Variants in PIKFYVE observed in about 807,000 individuals in gnomAD.
The protein encoded by PIKFYVE is 1-phosphatidylinositol 3-phosphate 5-kinase.
A neutral mutation model predicts 257.9 loss-of-function variants in PIKFYVE; 122 were observed. That is an observed-to-expected ratio of 0.47 (90% CI 0.41 to 0.55). The LOEUF (loss-of-function observed/expected upper bound fraction) is 0.55. Among genes scored for constraint, PIKFYVE ranks in the 20% least tolerant of loss-of-function variants. PIKFYVE has a pLI of 0.00. For missense variants in PIKFYVE, 2,160 were observed against 2,536.6 expected (o/e 0.85, Z 3.19); for synonymous variants, 892 against 868.9 (o/e 1.03, Z -0.47).
rs764335818 is a variant in PIKFYVE at position 208,326,044 on chromosome 2, G to A, written c.3233G>A (p.Arg1078Gln). 4 of 1,614,002 alleles carry A rather than the reference G, an allele frequency of 2.5e-6. No homozygotes were observed. In the Admixed American group the frequency reaches 5.0e-5, roughly 20 times the overall value. ...LTEKGMRCST[R>Q]DYFAEQVYWS... ...GAAAAGGGGATGAGATGCTCTACCC[G>A]AGATTATTTTGCAGAGCAGGTTTAC... The change falls in exon 20 of 42, where the codon CGA (arginine) becomes CAA (glutamine). Residue 1078 changes from arginine to glutamine, a missense_variant. By Grantham distance (43) the Arg-to-Gln change is conservative (BLOSUM62 1). Transcript: ENST00000264380.
At chr2:208,286,163 G>A (rs1436021484) in intron 6 of PIKFYVE, among the ~76,000 whole-genome samples, 1 of 152,062 alleles carries the variant, frequency 6.6e-6, no homozygotes, top group Non-Finnish European at 1.5e-5. Context: ...CATCTTTCTT[G>A]TCACTGTTCT....
chr2:208,326,023 A>C lies in PIKFYVE; in HGVS notation c.3212A>C (p.Lys1071Thr). The C allele has an allele frequency of 6.2e-7, 1 of 1,614,136 alleles. No homozygotes were observed. Among genetic ancestry groups the C allele is most frequent in the East Asian group, 2.2e-5 (1 of 44,874 alleles). The change falls in exon 20 of 42, where the codon AAG becomes ACG. Residue 1071 changes from lysine to threonine, a missense_variant. Transcript: ENST00000264380. ...CGAGAACCCTTTCTTTTAACTGAAA[A>C]GGGGATGAGATGCTCTACCCGAGAT... ...TFREPFLLTE[K>T]GMRCSTRDYF...
Position 208,285,709 on chromosome 2 carries a change from T to G in PIKFYVE, c.614-17T>G. ...TCCTTCAATTTCCTTGTTTTTGTTT[T>G]TGTTTTTTTCTCCTAGGAGACCTCC... On this transcript the variant is annotated splice_polypyrimidine_tract_variant and intron_variant, in intron 5 of 41. Coordinates refer to ENST00000264380, the MANE Select transcript of PIKFYVE (RefSeq NM_015040.4). The G allele has an allele frequency of 6.2e-7, 1 of 1,604,764 alleles. No individual in the cohort carries two copies.
intron 1 of PIKFYVE, among the ~76,000 whole-genome samples, chr2:208,271,299 CAG>C (rs1228970615): frequency 6.6e-6 from 1 of 152,120 alleles, no homozygotes; most frequent in Non-Finnish European, 1.5e-5. Context: ...AGTTGGCTAT[CAG>C]ATCATAGTTG....
intron 7 of PIKFYVE, 44 bp from the exon 8 acceptor site, chr2:208,298,597 G>A: frequency 6.2e-7 from 1 of 1,607,626 alleles, no homozygotes; most frequent in Non-Finnish European, 8.5e-7. Context: ...GTTTATTGAA[G>A]AAGAATTTAC....
intron 25 of PIKFYVE, 82 bp from the exon 26 acceptor site, chr2:208,335,711 A>G: frequency 3.6e-6 from 4 of 1,097,732 alleles, no homozygotes; most frequent in South Asian, 1.3e-5. Flanking sequence ...TACATTTTGC[A>G]TGTAGCTTTT....
At chr2:208,355,077 T>C in intron 41 of PIKFYVE, 113 bp from the exon 42 acceptor site, 1 of 825,514 alleles carries the variant, frequency 1.2e-6, no homozygotes, top group Non-Finnish European at 2.1e-6. Flanking sequence ...CTCAGACTGC[T>C]TCTGCATGTG....
intron 38 of PIKFYVE, 59 bp downstream of exon 38, chr2:208,351,514 AT>A: frequency 7.7e-7 from 1 of 1,297,860 alleles, no homozygotes; most frequent in Non-Finnish European, 1.1e-6. Context: ...CACATCCTGA[AT>A]CTTTCTGTTA....
intron 13 of PIKFYVE, among the ~76,000 whole-genome samples, chr2:208,313,241 A>AT (rs1364541819): frequency 1.3e-5 from 2 of 152,010 alleles, no homozygotes; most frequent in African/African-American, 4.8e-5. Flanking sequence ...TAGTGAACAT[A>AT]TTTTTTTGTT....
chr2:208,324,153 C>T lies in PIKFYVE; in HGVS notation c.2202C>T (p.Phe734=). 3 of 1,613,454 alleles carry T rather than the reference C, an allele frequency of 1.9e-6. No individual in the cohort carries two copies. The East Asian group carries it at 6.7e-5, about 36-fold the overall frequency. The stretch of plus-strand genomic sequence containing the variant: ...TTTATCTTACTTAGGAAAGGGAATT[C>T]TTGAAGAATTATGTCCAGCGAATAG... The part of the protein sequence containing the change: ...IDPIVLQERE[F]LKNYVQRIVD... Residue 734 remains phenylalanine (F), a synonymous_variant, in exon 18 of 42, where the codon TTC becomes TTT. Coordinates refer to ENST00000264380, the MANE Select transcript of PIKFYVE (RefSeq NM_015040.4).
Position 208,357,847 on chromosome 2 carries a change from G to A in PIKFYVE, c.*2542G>A, listed in dbSNP as rs1353155050. 1.3e-5 allele frequency: 2 copies of A among 152,110 alleles called. No individual in the cohort carries two copies. Among genetic ancestry groups the A allele is most frequent in the Non-Finnish European group, 2.9e-5 (2 of 68,032 alleles). The allele number at this position is 152,110 out of a possible 1,614,324, so 9.4% of individuals were successfully genotyped here. A position where few individuals can be genotyped will look rare whatever the true frequency, so the allele number is the denominator to read the frequency against. The stretch of plus-strand genomic sequence containing the variant: ...TACTTCCTTCCTTAACATACAACAT[G>A]AGTCCCGAGAATAATTGATAGTAGC... On this transcript the variant is annotated 3_prime_UTR_variant, in exon 42 of 42. Coordinates refer to ENST00000264380, the MANE Select transcript of PIKFYVE (RefSeq NM_015040.4).
chr2:208,347,906 A>G lies in PIKFYVE; in HGVS notation c.5257A>G (p.Lys1753Glu). Residue 1753 changes from lysine (K) to glutamate (E), a missense_variant, in exon 35 of 42, where the codon AAA (lysine) becomes GAA (glutamate). Around this residue, in one of 12 missense-constraint regions of PIKFYVE, gnomAD observed 699 missense variants for 855.8 expected, o/e 0.82. Coordinates refer to ENST00000264380, the MANE Select transcript of PIKFYVE (RefSeq NM_015040.4). ...MLSFFRGTAG[K>E]SPDLSSQKRE... Reference sequence around the variant, plus strand: ...GTCCTTCTTCAGAGGGACAGCAGGGAAAAGCCCCGATCTCTCTTCCCAGAA... The same window carrying G: ...GTCCTTCTTCAGAGGGACAGCAGGGGAAAGCCCCGATCTCTCTTCCCAGAA... The G allele has an allele frequency of 1.2e-6, 2 of 1,614,012 alleles. No homozygotes were observed. The highest frequency in any genetic ancestry group is 1.7e-6 in the Non-Finnish European group (2 of 1,179,918).
At chr2:208,334,353 C>T (rs1188774004) in intron 24 of PIKFYVE, 1 of 152,602 alleles carries the variant, frequency 6.6e-6, no homozygotes, top group Non-Finnish European at 1.5e-5. Context: ...GTGTCTGTTT[C>T]ACCTGGAGTG....
chr2:208,312,450 T>G (rs1695035454), intron 13 of PIKFYVE, among the ~76,000 whole-genome samples, 155 bp downstream of exon 13: 1 of 152,168 alleles, frequency 6.6e-6, no homozygotes, highest in African/African-American at 2.4e-5. Context: ...ATATAATGAT[T>G]TAGAGAATGT....
rs1180565442 is a variant in PIKFYVE at position 208,298,730 on chromosome 2, G to A, written c.1001G>A (p.Arg334Gln). 8.7e-6 allele frequency: 14 copies of A among 1,613,954 alleles called. No individual in the cohort carries two copies. The East Asian group carries it at 8.9e-5, about 10-fold the overall frequency. The change falls in exon 8 of 42, where the codon CGA (arginine) becomes CAA (glutamine). Residue 334 changes from arginine (R) to glutamine (Q), a missense_variant. Arg to Gln is a conservative substitution (Grantham distance 43). This residue lies in a region of PIKFYVE where 187 missense variants were observed against 185.6 expected (regional missense o/e 1.01). Coordinates refer to ENST00000264380, the MANE Select transcript of PIKFYVE (RefSeq NM_015040.4). Reference protein sequence around the residue: ...YETSVSPQANRTYVRTETTED... With the variant: ...YETSVSPQANQTYVRTETTED... Reference sequence around the variant, plus strand: ...ACATCTGTCAGTCCCCAGGCTAACCGAACATATGTTAGGACAGAGACCACT... The same window carrying A: ...ACATCTGTCAGTCCCCAGGCTAACCAAACATATGTTAGGACAGAGACCACT...
chr2:208,333,053 T>C (rs1185923734), intron 23 of PIKFYVE, among the ~76,000 whole-genome samples: 1 of 151,996 alleles, frequency 6.6e-6, no homozygotes, highest in Non-Finnish European at 1.5e-5. Flanking sequence ...GCTAACATCG[T>C]GAAACCCTGT....
rs553120858 is a variant in PIKFYVE, at chr2:208,313,917, C to T, written c.1697-377C>T. 3.9e-5 allele frequency among the ~76,000 whole-genome samples: 6 copies of T among 152,156 alleles called. No homozygotes were observed. In the South Asian group the frequency reaches 1.0e-3, roughly 26 times the overall value. On this transcript the variant is annotated intron_variant, in intron 13 of 41. Transcript: ENST00000264380. ...ATTTTAAAGGGGAAATTAACACCCT[C>T]GTTTTTAAAAATTAAAAGGAGAAGC... is the stretch of plus-strand genomic sequence containing the variant.
At chr2:208,348,598 AAGTGT>A (rs1176820397) in intron 35 of PIKFYVE, among the ~76,000 whole-genome samples, 1 of 63,982 alleles carries the variant, frequency 1.6e-5, no homozygotes, top group African/African-American at 7.0e-5. Context: ...AAAAAAAAAA[AAGTGT>A]GTGTGTGTGT....
Position 208,358,036 on chromosome 2 carries a change from T to C in PIKFYVE, c.*2731T>C, listed in dbSNP as rs1251079743. 6.6e-6 allele frequency: 1 copy of C among 152,262 alleles called. No homozygotes were observed. The highest frequency in any genetic ancestry group is 2.1e-4 in the South Asian group (1 of 4,836). 9.4% of individuals were successfully genotyped at this position (152,262 alleles called of 1,614,324 possible). ...CAAGCTGTTGCAAGCTCTTTTGTAG[T>C]CTATTGAATATTTTATAGATATTCA... is the stretch of plus-strand genomic sequence containing the variant. On this transcript the variant is annotated 3_prime_UTR_variant, in exon 42 of 42. Coordinates refer to ENST00000264380, the MANE Select transcript of PIKFYVE (RefSeq NM_015040.4).
Sources: allele counts gnomAD v4.1 joint callset (sites outside exome capture counted in the v4.1 genomes callset), GRCh38; gene constraint gnomAD v4.1.1; regional missense constraint gnomAD v4.1.1; transcripts MANE v1.5; gene names NCBI Gene and HGNC (gene_info 2026-07-23, HGNC 2026-07-21).